Variants in NCOA2 observed in about 807,000 individuals in gnomAD.
NCOA2 encodes nuclear receptor coactivator 2, also known as class E basic helix-loop-helix protein 75.
NCOA2 carries 21 observed loss-of-function variants against 145.1 expected under a neutral mutation model. The ratio of observed to expected loss-of-function variants is 0.14; its 90% CI spans 0.10 to 0.21. The LOEUF (loss-of-function observed/expected upper bound fraction) is 0.21, where lower values mean the gene tolerates loss of function less well. Among genes scored for constraint, NCOA2 ranks in the 10% least tolerant of loss-of-function variants. NCOA2 has a pLI of 1.00. For missense variants in NCOA2, 1,472 were observed against 1,837.6 expected, an observed-to-expected ratio of 0.80 and a Z score of 3.64; for synonymous variants, 619 against 637.5, an observed-to-expected ratio of 0.97 and a Z score of 0.44.
In NCOA2 at chr8:70,291,356, T is replaced by C. The variant is rs550622114; in HGVS notation, c.-20+5388A>G. ...TACACAAGATATGGACTGGTAATAC[T>C]TTTCATTTTAATTACTTTCAAAGAA... On this transcript the variant is annotated intron_variant, in intron 2 of 22. Transcript: ENST00000452400. Among the ~76,000 whole-genome samples the C allele has an allele frequency of 2.0e-5, 3 of 152,272 alleles. No homozygotes were observed. The South Asian group carries it at 6.2e-4, about 32-fold the overall frequency.
chr8:70,249,631 A>T (rs1314572698), intron 2 of NCOA2, among the ~76,000 whole-genome samples: 1 of 152,116 alleles, frequency 6.6e-6, no homozygotes, highest in Non-Finnish European at 1.5e-5. Context: ...TCTTAGTTTG[A>T]TATCATGTTC....
At chr8:70,435,822 G>A in the NCOA2 span, among the ~76,000 whole-genome samples, 1 of 150,980 alleles carries the variant, frequency 6.6e-6, no homozygotes. Flanking sequence ...TAATTTTGCT[G>A]CTTATAATTT....
chr8:70,241,167 T>C (rs1172206304), intron 2 of NCOA2, among the ~76,000 whole-genome samples: 1 of 152,176 alleles, frequency 6.6e-6, no homozygotes, highest in Admixed American at 6.5e-5. Flanking sequence ...TGCTCCATCA[T>C]AGCAATGCAG....
the NCOA2 span, among the ~76,000 whole-genome samples, chr8:70,427,299 T>G: frequency 6.6e-6 from 1 of 152,196 alleles, no homozygotes; most frequent in Non-Finnish European, 1.5e-5. Flanking sequence ...GAAAATTAAC[T>G]ATGAATCTTT....
intron 2 of NCOA2, among the ~76,000 whole-genome samples, chr8:70,230,124 G>A (rs1821006556): frequency 6.6e-6 from 1 of 152,208 alleles, no homozygotes; most frequent in Non-Finnish European, 1.5e-5. Flanking sequence ...AGATGGTAAA[G>A]TCACAGTTAC....
intron 1 of NCOA2, among the ~76,000 whole-genome samples, chr8:70,385,454 A>C (rs1484850409): frequency 6.6e-6 from 1 of 152,152 alleles, no homozygotes; most frequent in African/African-American, 2.4e-5. Flanking sequence ...TTTGAAACAG[A>C]GTCTCCCTCT....
At chr8:70,412,194 G>C in the NCOA2 span, among the ~76,000 whole-genome samples, 698 of 152,154 alleles carry the variant, frequency 4.6e-3, 3 homozygotes, top group South Asian at 0.014. Context: ...GGAGTAGCTT[G>C]AGCCTAGGAG....
At chr8:70,272,024 G>T (rs903622804) in intron 2 of NCOA2, among the ~76,000 whole-genome samples, 1 of 152,176 alleles carries the variant, frequency 6.6e-6, no homozygotes, top group East Asian at 1.9e-4. Context: ...CAAAGTAAAA[G>T]AAATATTTTA....
At chr8:70,357,412 C>T (rs1809803837) in intron 1 of NCOA2, 1 of 151,884 alleles carries the variant, frequency 6.6e-6, no homozygotes, top group South Asian at 2.1e-4. Flanking sequence ...TTATTTGTTT[C>T]TTCTCCACTC....
chr8:70,365,370 A>C (rs1810599947), intron 1 of NCOA2, among the ~76,000 whole-genome samples: 1 of 151,854 alleles, frequency 6.6e-6, no homozygotes, highest in African/African-American at 2.4e-5. Context: ...ACAAACAAAC[A>C]AAAAAAACAG....
chr8:70,309,942 G>C (rs751858398), intron 1 of NCOA2, among the ~76,000 whole-genome samples: 11 of 151,952 alleles, frequency 7.2e-5, no homozygotes, highest in Admixed American at 1.3e-4. Context: ...GACAGAGCAA[G>C]ACCCTGTCTC....
At chr8:70,188,961 C>T (rs1816372612) in intron 4 of NCOA2, among the ~76,000 whole-genome samples, 1 of 152,150 alleles carries the variant, frequency 6.6e-6, no homozygotes, top group East Asian at 1.9e-4. Flanking sequence ...TGATTTAACT[C>T]TCAGTAGAAT....
At chr8:70,446,414 A>G in the NCOA2 span, among the ~76,000 whole-genome samples, 10 of 152,176 alleles carry the variant, frequency 6.6e-5, no homozygotes, top group Admixed American at 5.9e-4. Flanking sequence ...CTTGGTGTAG[A>G]CATTCACAAA....
chr8:70,352,270 A>G (rs572602198), intron 1 of NCOA2, among the ~76,000 whole-genome samples: 26 of 152,270 alleles, frequency 1.7e-4, no homozygotes, highest in Admixed American at 1.1e-3. Context: ...TTTTTAAATG[A>G]GGAATTTGAA....
At chr8:70,223,000 G>A (rs567328286) in intron 2 of NCOA2, among the ~76,000 whole-genome samples, 2 of 152,230 alleles carry the variant, frequency 1.3e-5, no homozygotes, top group African/African-American at 2.4e-5. Flanking sequence ...CAGCTGGTGC[G>A]AATATGGCCA....
At position 70,402,759 on chromosome 8, in the gene NCOA2, C is replaced by T. The variant is rs557979032; in HGVS notation, c.-77+941G>A. ...GGGGCGCTGGCGAGCCAACCCGGAA[C>T]CTCCCGGTCCGCCTCCCGCCCCCGG... is the stretch of plus-strand genomic sequence containing the variant. On this transcript the variant is annotated intron_variant, in intron 1 of 22. Coordinates refer to ENST00000452400, the MANE Select transcript of NCOA2 (RefSeq NM_006540.4). Among the ~76,000 whole-genome samples, 402 of 151,912 alleles carry T rather than the reference C, an allele frequency of 2.6e-3. 3 individuals are homozygous for T. The highest frequency in any genetic ancestry group is 4.3e-3 in the Non-Finnish European group (295 of 67,868).
At chr8:70,318,342 G>T (rs1320627466) in intron 1 of NCOA2, among the ~76,000 whole-genome samples, 2 of 152,324 alleles carry the variant, frequency 1.3e-5, no homozygotes, top group African/African-American at 2.4e-5. Context: ...AGGCTCATCT[G>T]TGTACTTCCT....
At chr8:70,368,484 G>A (rs1411111247) in intron 1 of NCOA2, among the ~76,000 whole-genome samples, 1 of 152,122 alleles carries the variant, frequency 6.6e-6, no homozygotes, top group Non-Finnish European at 1.5e-5. Flanking sequence ...AATTAAATGA[G>A]GCAGAGAAAT....
chr8:70,398,195 T>C (rs1279712921), intron 1 of NCOA2, among the ~76,000 whole-genome samples: 2 of 152,304 alleles, frequency 1.3e-5, no homozygotes, highest in Middle Eastern at 3.4e-3. Flanking sequence ...CGGTGGCTAA[T>C]GCTTTTAATC....
Sources: gnomAD v4.1 joint callset for allele counts (sites outside exome capture counted in the v4.1 genomes callset) on GRCh38, gnomAD v4.1.1 for gene constraint, MANE v1.5 for transcripts, NCBI Gene and HGNC (gene_info 2026-07-23, HGNC 2026-07-21) for gene names.